The following FREM3 variants were observed in gnomAD, a reference collection of about 807,000 sequenced individuals.
FREM3 encodes FRAS1 related extracellular matrix 3.
FREM3 carries 105 observed loss-of-function variants against 129.1 expected under a neutral mutation model. The observed-to-expected ratio is 0.81, with a 90% CI of 0.69 to 0.96. The LOEUF (loss-of-function observed/expected upper bound fraction) is 0.96. Ranked by LOEUF, FREM3 falls within the 40% of genes least tolerant of loss-of-function variation. The pLI, the probability that FREM3 is intolerant of heterozygous loss-of-function variation, is 0.00. For synonymous variants in FREM3, 1,014 were observed against 1,044.9 expected (o/e 0.97, Z 0.57); for missense variants, 2,593 against 2,666.3 (o/e 0.97, Z 0.61).
chr4:143,664,869 C>T (rs574815239), intron 2 of FREM3, among the ~76,000 whole-genome samples: 13 of 152,282 alleles, frequency 8.5e-5, no homozygotes, highest in Non-Finnish European at 1.3e-4. Flanking sequence ...AGCGAGACTC[C>T]GTGGGCGTAG....
At position 143,621,041 on chromosome 4, in the gene FREM3, A is replaced by G. The variant is rs892761646; in HGVS notation, c.5775T>C (p.Arg1925=). 6.5e-7 allele frequency: 1 copy of G among 1,537,242 alleles called. No homozygotes were observed. The highest frequency in any genetic ancestry group is 1.4e-5 in the African/African-American group (1 of 73,024). The change falls in exon 5 of 8, where the codon CGT becomes CGC. Residue 1925 remains arginine, a synonymous_variant. Coordinates refer to ENST00000329798, the MANE Select transcript of FREM3 (RefSeq NM_001168235.2). ...SQELIVICST[R]QGSATGTISS... ...GGACCCCACAGAGCCTCATACCTTG[A>G]CGTGTGGAGCAAATGACGATTAGTT...
At chr4:143,609,986 A>G (rs2149839002) in intron 6 of FREM3, among the ~76,000 whole-genome samples, 1 of 152,306 alleles carries the variant, frequency 6.6e-6, no homozygotes, top group Non-Finnish European at 1.5e-5. Flanking sequence ...ATACATTTCC[A>G]TAAAGGAATA....
At chr4:143,672,547 G>A (rs573232172) in intron 2 of FREM3, among the ~76,000 whole-genome samples, 21 of 152,196 alleles carry the variant, frequency 1.4e-4, no homozygotes, top group Middle Eastern at 3.4e-3. Flanking sequence ...TTTCAACTTT[G>A]GTGAATCTGA....
intron 2 of FREM3, among the ~76,000 whole-genome samples, chr4:143,646,996 C>T (rs1238872825): frequency 1.3e-5 from 2 of 151,794 alleles, no homozygotes; most frequent in African/African-American, 2.4e-5. Flanking sequence ...CAGAAGAAGA[C>T]AGGAAGGTGT....
In FREM3 at chr4:143,588,567, A is replaced by G. The variant is rs1433419835; in HGVS notation, c.6029-2574T>C. On this transcript the variant is annotated intron_variant, in intron 6 of 7. Transcript: ENST00000329798. ...CTTCATCGATGTCCCTACAATGGAC[A>G]TGAACTCATCATTTTTTATGGCTGC... 3.3e-5 allele frequency among the ~76,000 whole-genome samples: 5 copies of G among 152,158 alleles called. No individual in the cohort carries two copies. In the East Asian group the frequency reaches 9.6e-4, roughly 29 times the overall value.
intron 2 of FREM3, among the ~76,000 whole-genome samples, chr4:143,687,037 A>G (rs888637563): frequency 6.6e-6 from 1 of 152,200 alleles, no homozygotes; most frequent in African/African-American, 2.4e-5. Flanking sequence ...TAAATAAAAC[A>G]AAAAATATAT....
chr4:143,621,389 C>A (rs1187330886), intron 4 of FREM3, among the ~76,000 whole-genome samples: 1 of 152,080 alleles, frequency 6.6e-6, no homozygotes, highest in Non-Finnish European at 1.5e-5. Flanking sequence ...AAAGGACAGC[C>A]AGCATTAAAA....
At chr4:143,653,282 A>G (rs10009203) in intron 2 of FREM3, among the ~76,000 whole-genome samples, 75,816 of 152,034 alleles carry the variant, frequency 0.5, 19,698 homozygotes, top group East Asian at 0.71. Context: ...CTCATCTGGG[A>G]CCTCAAATAG....
Position 143,642,956 on chromosome 4 carries a change from A to G in FREM3, c.5276-15196T>C, listed in dbSNP as rs1441270201. 2.0e-5 allele frequency among the ~76,000 whole-genome samples: 3 copies of G among 152,208 alleles called. No homozygotes were observed. The East Asian group carries it at 5.8e-4, about 29-fold the overall frequency. ...AATAATCCAGAAAACAATGGGCAGA[A>G]GGCCTTAATAAACATTTCTCAAAAG... On this transcript the variant is annotated intron_variant, in intron 2 of 7. Coordinates refer to ENST00000329798, the MANE Select transcript of FREM3 (RefSeq NM_001168235.2).
chr4:143,662,540 G>A (rs1239796314), intron 2 of FREM3, among the ~76,000 whole-genome samples: 5 of 148,342 alleles, frequency 3.4e-5, no homozygotes, highest in African/African-American at 7.4e-5. Context: ...GGTGTGGTGC[G>A]GAAAAAAATG....
At chr4:143,662,198 T>A (rs1739743435) in intron 2 of FREM3, among the ~76,000 whole-genome samples, 1 of 152,214 alleles carries the variant, frequency 6.6e-6, no homozygotes, top group Admixed American at 6.5e-5. Context: ...CAGTTTTGGA[T>A]CTTTCCTGCT....
intron 2 of FREM3, among the ~76,000 whole-genome samples, chr4:143,674,605 T>A (rs1200071507): frequency 6.6e-6 from 1 of 152,164 alleles, no homozygotes; most frequent in African/African-American, 2.4e-5. Context: ...GCAGATTGGA[T>A]AAAGAGTCAC....
intron 5 of FREM3, among the ~76,000 whole-genome samples, chr4:143,618,572 T>A (rs1443761025): frequency 2.0e-5 from 3 of 152,050 alleles, no homozygotes; most frequent in Non-Finnish European, 2.9e-5. Flanking sequence ...TGCTTGCTTT[T>A]AACAGCTTAC....
chr4:143,622,407 T>C, intron 4 of FREM3, among the ~76,000 whole-genome samples: 1 of 144,288 alleles, frequency 6.9e-6, no homozygotes, highest in African/African-American at 2.7e-5. Flanking sequence ...AATCATCTTT[T>C]TTTTTTTTTT....
chr4:143,656,647 C>T (rs1003758292), intron 2 of FREM3, among the ~76,000 whole-genome samples: 2 of 151,844 alleles, frequency 1.3e-5, no homozygotes, highest in African/African-American at 2.4e-5. Context: ...GTTGCTAAGG[C>T]CGAGAGTAGG....
chr4:143,649,502 T>A (rs1451124640), intron 2 of FREM3, among the ~76,000 whole-genome samples: 1 of 152,210 alleles, frequency 6.6e-6, no homozygotes, highest in Non-Finnish European at 1.5e-5. Flanking sequence ...GGAGTGTTAA[T>A]AATAAGATCC....
Position 143,666,127 on chromosome 4 carries a change from G to T in FREM3, c.5275+26986C>A, listed in dbSNP as rs1052005399. Among the ~76,000 whole-genome samples the T allele has an allele frequency of 2.6e-5, 4 of 152,096 alleles. No individual in the cohort carries two copies. In the South Asian group the frequency reaches 8.3e-4, roughly 32 times the overall value. On this transcript the variant is annotated intron_variant, in intron 2 of 7. Transcript: ENST00000329798. ...TTATTTTGTCTTAGATAAAATAGAA[G>T]ATAGGTGCAGAGGTTCTTGAACATT... is the stretch of plus-strand genomic sequence containing the variant.
chr4:143,677,025 T>A (rs544423985), intron 2 of FREM3, among the ~76,000 whole-genome samples: 26 of 152,170 alleles, frequency 1.7e-4, no homozygotes, highest in South Asian at 4.1e-4. Context: ...CTTTCTTCAC[T>A]GAATTGGAAA....
Position 143,615,714 on chromosome 4 carries a change from AAAAC to A in FREM3, c.5780-4191_5780-4188del, listed in dbSNP as rs1306554039. Among the ~76,000 whole-genome samples the A allele has an allele frequency of 8.0e-3, 1,195 of 150,106 alleles. 19 individuals are homozygous for A. The highest frequency in any genetic ancestry group is 0.029 in the African/African-American group (1,144 of 39,668). On this transcript the variant is annotated intron_variant, in intron 5 of 7. Transcript: ENST00000329798. Reference sequence around the variant, plus strand: ...GGGAATATCGTCAAGTGTCAAAAAAAAAACAAAAACCCAAAAACCCACAAACAAA... The same window carrying A: ...GGGAATATCGTCAAGTGTCAAAAAAAAAAAACCCAAAAACCCACAAACAAA...
Sources: gnomAD v4.1 joint callset for allele counts (sites outside exome capture counted in the v4.1 genomes callset) on GRCh38, gnomAD v4.1.1 for gene constraint, MANE v1.5 for transcripts, NCBI Gene and HGNC (gene_info 2026-07-23, HGNC 2026-07-21) for gene names.